Variants in KCNIP4 observed in about 807,000 individuals in gnomAD.
KCNIP4 encodes the protein potassium voltage-gated channel interacting protein 4, also known as Kv channel-interacting protein 4.
A neutral mutation model predicts 34.0 loss-of-function variants in KCNIP4; 12 were observed. The observed-to-expected ratio is 0.35, with a 90% CI of 0.23 to 0.57. The LOEUF is 0.57. KCNIP4 is among the 20% of genes least tolerant of loss of function. The probability of loss-of-function intolerance (pLI) is 0.83; values close to 1 mark genes in which losing one functional copy is unlikely to be tolerated. For synonymous variants in KCNIP4, 124 were observed against 102.2 expected (o/e 1.21, Z -1.29); for missense variants, 238 against 311.7 (o/e 0.76, Z 1.78).
chr4:21,386,670 C>G (rs939184888), intron 1 of KCNIP4, among the ~76,000 whole-genome samples: 2 of 152,138 alleles, frequency 1.3e-5, no homozygotes, highest in Non-Finnish European at 2.9e-5. Flanking sequence ...TCAGTATAAA[C>G]AGATAACTAA....
At chr4:20,802,097 T>C (rs1001506768) in intron 3 of KCNIP4, among the ~76,000 whole-genome samples, 3 of 149,192 alleles carry the variant, frequency 2.0e-5, no homozygotes, top group Non-Finnish European at 3.0e-5. Context: ...CATATACATA[T>C]TGCATATATA....
Position 21,190,512 on chromosome 4 carries a change from G to C in KCNIP4, c.62-307803C>G, listed in dbSNP as rs1172347314. Among the ~76,000 whole-genome samples, 15 of 151,764 alleles carry C rather than the reference G, an allele frequency of 9.9e-5. No individual in the cohort carries two copies. The East Asian group carries it at 1.6e-3, about 16-fold the overall frequency. Reference sequence around the variant, plus strand: ...GTTTCTTTTTGCGAGTGGGTGGGGGGGGGCACTGAGGGTGGGAGGGCAACT... The same window carrying C: ...GTTTCTTTTTGCGAGTGGGTGGGGGCGGGCACTGAGGGTGGGAGGGCAACT... On this transcript the variant is annotated intron_variant, in intron 1 of 8. Coordinates refer to ENST00000382152, the MANE Select transcript of KCNIP4 (RefSeq NM_025221.6).
intron 1 of KCNIP4, among the ~76,000 whole-genome samples, chr4:21,383,941 C>T (rs1158223841): frequency 1.3e-5 from 2 of 152,066 alleles, no homozygotes; most frequent in East Asian, 1.9e-4. Context: ...TAGCTCATGC[C>T]TACCTCTCAT....
intron 1 of KCNIP4, among the ~76,000 whole-genome samples, chr4:21,577,454 A>ACT (rs961388589): frequency 2.0e-5 from 3 of 151,454 alleles, no homozygotes; most frequent in African/African-American, 4.9e-5. Flanking sequence ...ATATAGCAAA[A>ACT]CTCTCTCTCT....
At chr4:21,431,754 T>C (rs1318437547) in intron 1 of KCNIP4, among the ~76,000 whole-genome samples, 1 of 151,746 alleles carries the variant, frequency 6.6e-6, no homozygotes, top group East Asian at 1.9e-4. Context: ...ATATAGCCAA[T>C]GGATTACAAT....
At chr4:21,872,645 T>C (rs1725883942) in intron 1 of KCNIP4, among the ~76,000 whole-genome samples, 1 of 152,166 alleles carries the variant, frequency 6.6e-6, no homozygotes, top group African/African-American at 2.4e-5. Flanking sequence ...GAATAGATAA[T>C]AGATTCAGTT....
chr4:21,300,942 T>C (rs1487626945), intron 1 of KCNIP4, among the ~76,000 whole-genome samples: 2 of 152,144 alleles, frequency 1.3e-5, no homozygotes, highest in African/African-American at 4.8e-5. Flanking sequence ...AGTGACTTAA[T>C]CCAAGGTTAG....
At chr4:20,837,848 A>ATT (rs34976488) in intron 3 of KCNIP4, among the ~76,000 whole-genome samples, 2,681 of 143,580 alleles carry the variant, frequency 0.019, 90 homozygotes, top group African/African-American at 0.065. Flanking sequence ...TGCCCAGCAA[A>ATT]TTTTTTTTTT....
chr4:21,849,980 T>TA (rs1724273326), intron 1 of KCNIP4: 1 of 152,116 alleles, frequency 6.6e-6, no homozygotes, highest in African/African-American at 2.4e-5. Flanking sequence ...GCCTAGAACT[T>TA]ACATATGCTG....
intron 1 of KCNIP4, among the ~76,000 whole-genome samples, chr4:21,081,454 A>T (rs575192620): frequency 6.6e-6 from 1 of 151,780 alleles, no homozygotes; most frequent in African/African-American, 2.4e-5. Context: ...GTGAAACTCA[A>T]TTAAGGTCAA....
intron 1 of KCNIP4, chr4:21,853,239 G>C (rs1243727796): frequency 6.6e-6 from 1 of 151,958 alleles, no homozygotes; most frequent in Non-Finnish European, 1.5e-5. Context: ...AAAGTTGTAA[G>C]AAAAAACAAA....
At chr4:21,676,249 G>A (rs1049945381) in intron 1 of KCNIP4, among the ~76,000 whole-genome samples, 3 of 152,022 alleles carry the variant, frequency 2.0e-5, no homozygotes, top group African/African-American at 4.8e-5. Context: ...GCCACCTCAC[G>A]TTTAACAAAG....
chr4:21,611,804 C>T (rs919858299), intron 1 of KCNIP4, among the ~76,000 whole-genome samples: 1 of 152,016 alleles, frequency 6.6e-6, no homozygotes, highest in African/African-American at 2.4e-5. Flanking sequence ...TTTTGTAGGA[C>T]CAACTCAAGC....
intron 5 of KCNIP4, among the ~76,000 whole-genome samples, chr4:20,741,692 T>C (rs995411355): frequency 2.6e-5 from 4 of 152,114 alleles, no homozygotes; most frequent in African/African-American, 9.7e-5. Flanking sequence ...ATTCAAAAGC[T>C]AGCAGAAGGC....
At chr4:21,914,993 G>A (rs982165304) in intron 1 of KCNIP4, among the ~76,000 whole-genome samples, 4 of 151,710 alleles carry the variant, frequency 2.6e-5, no homozygotes, top group East Asian at 1.9e-4. Context: ...AGAAAGGTAC[G>A]CATTTGAAAA....
intron 1 of KCNIP4, among the ~76,000 whole-genome samples, chr4:21,019,232 T>C (rs1739828726): frequency 6.6e-6 from 1 of 151,956 alleles, no homozygotes; most frequent in African/African-American, 2.4e-5. Context: ...CTTGGCTCAA[T>C]GCAACCTCCA....
chr4:20,897,953 G>T (rs965067193), intron 1 of KCNIP4, among the ~76,000 whole-genome samples: 1 of 152,106 alleles, frequency 6.6e-6, no homozygotes. Context: ...ATTCTTTCTT[G>T]GTGGGTCTGT....
At chr4:21,831,146 T>C (rs1426267850) in intron 1 of KCNIP4, among the ~76,000 whole-genome samples, 1 of 152,128 alleles carries the variant, frequency 6.6e-6, no homozygotes, top group South Asian at 2.1e-4. Flanking sequence ...ACTTCTGGGA[T>C]GCTGCAATAG....
intron 1 of KCNIP4, among the ~76,000 whole-genome samples, chr4:21,522,469 C>T (rs888702951): frequency 1.6e-4 from 24 of 152,092 alleles, no homozygotes; most frequent in African/African-American, 5.1e-4. Flanking sequence ...TGGGCTCAAG[C>T]GATCTTCCGG....
Sources: gnomAD v4.1 joint callset for allele counts (sites outside exome capture counted in the v4.1 genomes callset) on GRCh38, gnomAD v4.1.1 for gene constraint, MANE v1.5 for transcripts, NCBI Gene and HGNC (gene_info 2026-07-23, HGNC 2026-07-21) for gene names.